The following STK3 variants were observed in gnomAD, a reference collection of about 807,000 sequenced individuals.
The protein encoded by STK3 is serine/threonine-protein kinase 3.
Under a neutral mutation model 58.0 loss-of-function variants are expected in STK3, and 41 were observed. The ratio of observed to expected loss-of-function variants is 0.71; its 90% CI spans 0.55 to 0.92. The LOEUF is 0.92. Among genes scored for constraint, STK3 ranks in the 40% least tolerant of loss-of-function variants. STK3 has a pLI of 0.00. For synonymous variants in STK3, 170 were observed against 191.0 expected (o/e 0.89, Z 0.91); for missense variants, 479 against 602.7 (o/e 0.79, Z 2.15).
At chr8:98,397,769 A>G (rs1273766069), downstream of STK3, among the ~76,000 whole-genome samples, 1 of 152,102 alleles carries the variant, frequency 6.6e-6, no homozygotes, top group African/African-American at 2.4e-5. Flanking sequence ...TGCTGTTCTC[A>G]TGATAGTGAG....
At chr8:98,721,584 T>C (rs1429251265) in intron 4 of STK3, among the ~76,000 whole-genome samples, 1 of 151,534 alleles carries the variant, frequency 6.6e-6, no homozygotes, top group Admixed American at 6.6e-5. Flanking sequence ...ATTTAGAACA[T>C]AGAGCTCATA....
chr8:98,502,394 T>G (rs894874262), intron 10 of STK3, among the ~76,000 whole-genome samples: 5 of 152,208 alleles, frequency 3.3e-5, no homozygotes, highest in African/African-American at 1.2e-4. Flanking sequence ...GAATACCCTT[T>G]ATTTCTTTCT....
At chr8:98,675,588 C>T (rs1449861320) in intron 6 of STK3, among the ~76,000 whole-genome samples, 5 of 151,796 alleles carry the variant, frequency 3.3e-5, no homozygotes, top group South Asian at 2.1e-4. Context: ...TCGGGCTGGG[C>T]GTGGTGGCTC....
chr8:98,740,966 T>A (rs1408242232), intron 4 of STK3, among the ~76,000 whole-genome samples: 1 of 152,028 alleles, frequency 6.6e-6, no homozygotes, highest in African/African-American at 2.4e-5. Flanking sequence ...TAAAACAGAC[T>A]TTAAACCAAC....
At chr8:98,934,637 C>A (rs541660107) in intron 1 of STK3, among the ~76,000 whole-genome samples, 1 of 152,142 alleles carries the variant, frequency 6.6e-6, no homozygotes, top group Non-Finnish European at 1.5e-5. Flanking sequence ...ATATGTAGGC[C>A]GGGCACGGTG....
intron 1 of STK3, among the ~76,000 whole-genome samples, chr8:98,822,928 T>C (rs1043181947): frequency 6.6e-6 from 1 of 152,216 alleles, no homozygotes; most frequent in Non-Finnish European, 1.5e-5. Context: ...CTCAGGAGGC[T>C]GAGGGACGAG....
chr8:98,864,340 A>G (rs1303896403), intron 3 of STK3, among the ~76,000 whole-genome samples: 16 of 152,166 alleles, frequency 1.1e-4, no homozygotes, highest in Admixed American at 1.0e-3. Context: ...CTGAGTATAA[A>G]AAGCACACCA....
intron 4 of STK3, among the ~76,000 whole-genome samples, chr8:98,729,250 C>T (rs1466954389): frequency 6.6e-6 from 1 of 152,132 alleles, no homozygotes; most frequent in African/African-American, 2.4e-5. Context: ...GCTAGGATTA[C>T]AGGCGCATGC....
the STK3 span, among the ~76,000 whole-genome samples, chr8:98,344,720 C>T: frequency 2.6e-5 from 4 of 151,224 alleles, no homozygotes; most frequent in East Asian, 3.9e-4. Context: ...GGTGAAACCC[C>T]GTCTCTACTA....
intron 2 of STK3, among the ~76,000 whole-genome samples, chr8:98,377,659 C>T (rs7004877): frequency 6.6e-6 from 1 of 151,946 alleles, no homozygotes; most frequent in Non-Finnish European, 1.5e-5. Flanking sequence ...TAATTTGGGG[C>T]ACTTCCCTCT....
intron 9 of STK3, among the ~76,000 whole-genome samples, chr8:98,543,498 AG>A (rs1694788928): frequency 6.6e-6 from 1 of 152,142 alleles, no homozygotes; most frequent in Non-Finnish European, 1.5e-5. Context: ...AGGGATATTT[AG>A]GGGGCAGAAC....
chr8:98,357,292 T>A, the STK3 span, among the ~76,000 whole-genome samples: 1 of 152,108 alleles, frequency 6.6e-6, no homozygotes, highest in Non-Finnish European at 1.5e-5. Flanking sequence ...CCTGCCTGGG[T>A]CTCCAGGTAA....
intron 3 of STK3, among the ~76,000 whole-genome samples, chr8:98,865,124 C>T (rs930418817): frequency 6.6e-6 from 1 of 152,148 alleles, no homozygotes; most frequent in African/African-American, 2.4e-5. Context: ...GGCGTGGTGG[C>T]TCACACCTGT....
chr8:98,481,277 T>C (rs1447915492), intron 10 of STK3, among the ~76,000 whole-genome samples: 1 of 152,060 alleles, frequency 6.6e-6, no homozygotes, highest in Admixed American at 6.6e-5. Flanking sequence ...CCTAGATGTT[T>C]AATAAAAAAG....
At chr8:98,634,455 G>C (rs1320817792) in intron 6 of STK3, among the ~76,000 whole-genome samples, 1 of 152,046 alleles carries the variant, frequency 6.6e-6, no homozygotes, top group Non-Finnish European at 1.5e-5. Flanking sequence ...AGCGGAGATC[G>C]TGCCACTGCA....
intron 9 of STK3, among the ~76,000 whole-genome samples, chr8:98,528,781 A>G (rs1389881489): frequency 6.6e-6 from 1 of 152,230 alleles, no homozygotes; most frequent in Non-Finnish European, 1.5e-5. Context: ...AGTTACAAAA[A>G]GTATTTTTAA....
intron 10 of STK3, among the ~76,000 whole-genome samples, chr8:98,479,666 G>GA (rs1821691808): frequency 6.6e-6 from 1 of 152,076 alleles, no homozygotes; most frequent in Non-Finnish European, 1.5e-5. Flanking sequence ...CCCTCCACAA[G>GA]AAAACATTTA....
chr8:98,588,214 C>T (rs1239244497), intron 7 of STK3, among the ~76,000 whole-genome samples: 2 of 152,030 alleles, frequency 1.3e-5, no homozygotes, highest in Non-Finnish European at 2.9e-5. Flanking sequence ...TACACTTTGG[C>T]ATGATTTTGC....
At chr8:98,348,653 T>C in the STK3 span, among the ~76,000 whole-genome samples, 1 of 152,224 alleles carries the variant, frequency 6.6e-6, no homozygotes, top group Admixed American at 6.5e-5. Context: ...GGCAAATAAG[T>C]GTATGAAAAG....
Sources: gnomAD v4.1 joint callset for allele counts (sites outside exome capture counted in the v4.1 genomes callset) on GRCh38, gnomAD v4.1.1 for gene constraint, MANE v1.5 for transcripts, NCBI Gene and HGNC (gene_info 2026-07-23, HGNC 2026-07-21) for gene names.